Variants in MAPKAP1 observed in about 807,000 individuals in gnomAD.
MAPKAP1 encodes the protein MAPK associated protein 1, also known as target of rapamycin complex 2 subunit MAPKAP1.
MAPKAP1 carries 20 observed loss-of-function variants against 65.7 expected under a neutral mutation model. The ratio of observed to expected loss-of-function variants is 0.30; its 90% CI spans 0.21 to 0.44. The LOEUF (loss-of-function observed/expected upper bound fraction) is 0.44. Among genes scored for constraint, MAPKAP1 ranks in the 20% least tolerant of loss-of-function variants. The pLI, the probability that MAPKAP1 is intolerant of heterozygous loss-of-function variation, is 1.00. For missense variants in MAPKAP1, 423 were observed against 648.0 expected (o/e 0.65, Z 3.77); for synonymous variants, 222 against 244.3 (o/e 0.91, Z 0.85).
At chr9:125,655,085 T>C (rs949001068) in intron 4 of MAPKAP1, among the ~76,000 whole-genome samples, 7 of 152,088 alleles carry the variant, frequency 4.6e-5, no homozygotes, top group African/African-American at 1.7e-4. Flanking sequence ...GTACATATTT[T>C]AGAGGCTTTA....
Position 125,444,558 on chromosome 9 carries a change from GT to G in MAPKAP1, c.1385del (p.Asp462AlafsTer44), listed in dbSNP as rs1852627303. On this transcript the variant is annotated frameshift_variant, in exon 11 of 12. Coordinates refer to ENST00000265960, the MANE Select transcript of MAPKAP1 (RefSeq NM_001006617.3). LOFTEE classifies it high-confidence loss of function. Reference sequence around the variant, plus strand: ...CCGATTCAAAGTAGAGGTGTTTATAGTCGTGATTGCTTAGATACGTGAGTTT... The same window carrying G: ...CCGATTCAAAGTAGAGGTGTTTATAGCGTGATTGCTTAGATACGTGAGTTT... ...IFKLTYLSNH[D>X]YKHLYFESDA... 6.2e-7 allele frequency: 1 copy of G among 1,613,792 alleles called. No individual in the cohort carries two copies. The highest frequency in any genetic ancestry group is 8.5e-7 in the Non-Finnish European group (1 of 1,179,866).
intron 6 of MAPKAP1, among the ~76,000 whole-genome samples, chr9:125,545,644 C>T (rs535772474): frequency 3.9e-5 from 6 of 152,244 alleles, no homozygotes; most frequent in South Asian, 2.1e-4. Context: ...CCAGCCAATA[C>T]GTTTATCTTT....
intron 10 of MAPKAP1, among the ~76,000 whole-genome samples, chr9:125,466,670 A>T (rs934246635): frequency 2.0e-5 from 3 of 152,214 alleles, no homozygotes; most frequent in Non-Finnish European, 4.4e-5. Flanking sequence ...GCCCCCCAGC[A>T]GCAGGCACTT....
At chr9:125,521,448 C>A in intron 7 of MAPKAP1, 1 of 1,163,378 alleles carries the variant, frequency 8.6e-7, no homozygotes, top group East Asian at 4.4e-5. Context: ...ATCTGTTGCT[C>A]TGTAAAGAAA....
chr9:125,545,676 G>A (rs1204016359), intron 6 of MAPKAP1, among the ~76,000 whole-genome samples: 1 of 152,188 alleles, frequency 6.6e-6, no homozygotes, highest in East Asian at 1.9e-4. Flanking sequence ...CAGACTAAAA[G>A]CTCAAAAGGA....
At chr9:125,692,371 GA>G (rs1835195198) in intron 1 of MAPKAP1, among the ~76,000 whole-genome samples, 1 of 152,190 alleles carries the variant, frequency 6.6e-6, no homozygotes, top group African/African-American at 2.4e-5. Context: ...CAACACAGAT[GA>G]ACCTTGAAAA....
intron 4 of MAPKAP1, among the ~76,000 whole-genome samples, chr9:125,617,753 G>C (rs1832786914): frequency 6.6e-6 from 1 of 152,114 alleles, no homozygotes; most frequent in African/African-American, 2.4e-5. Context: ...ATTGTTCAGA[G>C]ATACAAATAT....
rs879664487 is a variant in MAPKAP1 at position 125,586,510 on chromosome 9, GT to G, written c.499-784del. 1.3e-3 allele frequency among the ~76,000 whole-genome samples: 190 copies of G among 145,100 alleles called. 1 individual carries two copies. Among genetic ancestry groups the G allele is most frequent in the Middle Eastern group, 3.6e-3 (1 of 278 alleles). ...GTTAAAAGAGGACTGCTTTGTTGTTGTTTTTTTTTTTTATAACCCCTGCACC... is the reference window on the plus strand; with the variant it reads ...GTTAAAAGAGGACTGCTTTGTTGTTGTTTTTTTTTTTATAACCCCTGCACC... On this transcript the variant is annotated intron_variant, in intron 4 of 11. Transcript: ENST00000265960.
intron 1 of MAPKAP1, among the ~76,000 whole-genome samples, chr9:125,701,544 A>G (rs1835598369): frequency 6.6e-6 from 1 of 152,226 alleles, no homozygotes; most frequent in Admixed American, 6.5e-5. Context: ...CCGCATATTC[A>G]GGATGCAACA....
chr9:125,604,073 A>C (rs1832379727), intron 4 of MAPKAP1, among the ~76,000 whole-genome samples: 1 of 152,250 alleles, frequency 6.6e-6, no homozygotes, highest in Admixed American at 6.5e-5. Flanking sequence ...AGGCTCTGAT[A>C]GATGCAAAAG....
intron 5 of MAPKAP1, among the ~76,000 whole-genome samples, 155 bp downstream of exon 5, chr9:125,585,400 A>G (rs1831749674): frequency 6.6e-6 from 1 of 152,238 alleles, no homozygotes; most frequent in African/African-American, 2.4e-5. Context: ...ATTCTCTGAG[A>G]TGCACAGGCG....
At chr9:125,693,602 CAT>C (rs1172617229) in intron 1 of MAPKAP1, among the ~76,000 whole-genome samples, 4 of 149,008 alleles carry the variant, frequency 2.7e-5, no homozygotes, top group South Asian at 2.1e-4. Context: ...TACACACACA[CAT>C]ACACATATAT....
At chr9:125,487,870 G>C (rs1452637134) in intron 8 of MAPKAP1, among the ~76,000 whole-genome samples, 2 of 152,192 alleles carry the variant, frequency 1.3e-5, no homozygotes, top group South Asian at 4.1e-4. Context: ...TAATACACCA[G>C]CTAATGTAGT....
At chr9:125,676,932 A>T (rs1362549118) in intron 1 of MAPKAP1, among the ~76,000 whole-genome samples, 1 of 152,218 alleles carries the variant, frequency 6.6e-6, no homozygotes, top group Admixed American at 6.5e-5. Flanking sequence ...GTGTATTATG[A>T]CTCTCCAAGA....
intron 7 of MAPKAP1, among the ~76,000 whole-genome samples, chr9:125,531,170 G>A (rs1829922773): frequency 6.6e-6 from 1 of 152,180 alleles, no homozygotes; most frequent in African/African-American, 2.4e-5. Flanking sequence ...TCTCTAGAGA[G>A]AAAGGCAACA....
At chr9:125,519,774 T>G (rs373103467) in intron 7 of MAPKAP1, among the ~76,000 whole-genome samples, 16 of 151,918 alleles carry the variant, frequency 1.1e-4, no homozygotes, top group African/African-American at 3.6e-4. Context: ...GCCTGATAAC[T>G]ATGCCCGCCC....
At chr9:125,539,223 T>C (rs958061302) in intron 7 of MAPKAP1, among the ~76,000 whole-genome samples, 7 of 152,228 alleles carry the variant, frequency 4.6e-5, no homozygotes, top group African/African-American at 1.2e-4. Flanking sequence ...TTATTAACAA[T>C]ATTTTAAGAA....
intron 7 of MAPKAP1, among the ~76,000 whole-genome samples, chr9:125,509,195 C>G (rs530989162): frequency 6.6e-6 from 1 of 152,160 alleles, no homozygotes; most frequent in South Asian, 2.1e-4. Flanking sequence ...CTGACTTGAT[C>G]ATTACACATT....
At chr9:125,545,461 G>A (rs1041092469) in intron 6 of MAPKAP1, among the ~76,000 whole-genome samples, 1 of 152,144 alleles carries the variant, frequency 6.6e-6, no homozygotes, top group African/African-American at 2.4e-5. Context: ...GTTGGGCGAT[G>A]GATGAGTAGG....
Sources: allele counts gnomAD v4.1 joint callset (sites outside exome capture counted in the v4.1 genomes callset), GRCh38; gene constraint gnomAD v4.1.1; transcripts MANE v1.5; gene names NCBI Gene and HGNC (gene_info 2026-07-23, HGNC 2026-07-21).